ARHGAP39: variants seen among roughly 807,000 people sequenced by gnomAD.
ARHGAP39 encodes the protein rho GTPase-activating protein 39.
A neutral mutation model predicts 106.9 loss-of-function variants in ARHGAP39; 44 were observed. The ratio of observed to expected loss-of-function variants is 0.41; its 90% CI spans 0.32 to 0.53. The LOEUF (loss-of-function observed/expected upper bound fraction) is 0.53, where lower values mean the gene tolerates loss of function less well. Ranked by LOEUF, ARHGAP39 falls within the 20% of genes least tolerant of loss-of-function variation. The pLI is 0.21. For synonymous variants in ARHGAP39, 768 were observed against 693.2 expected (o/e 1.11, Z -1.69); for missense variants, 1,496 against 1,577.3 (o/e 0.95, Z 0.87).
rs753230337 is a variant in ARHGAP39 at position 144,533,307 on chromosome 8, C to T, written c.2707G>A (p.Val903Met). ...TTCTTGGCATGCCGGATCTCCTCCA[C>T]GTTGGGCTTCTTCAGCCCCTGTGAA... Reference protein sequence around the residue: ...GAKKGLKKPNVEEIRHAKNAV... With the variant: ...GAKKGLKKPNMEEIRHAKNAV... The change falls in exon 9 of 12, where the codon GTG (valine) becomes ATG (methionine). Residue 903 changes from valine (V) to methionine (M), a missense_variant. This residue lies in a region of ARHGAP39 where 470 missense variants were observed against 605.1 expected (regional missense o/e 0.78). Transcript: ENST00000377307. 30 of 1,612,874 alleles carry T rather than the reference C, an allele frequency of 1.9e-5. No individual in the cohort carries two copies. Among genetic ancestry groups the T allele is most frequent in the Middle Eastern group, 1.6e-4 (1 of 6,080 alleles).
rs531008520 is a variant in ARHGAP39, at chr8:144,529,693, T to G, written c.*729A>C. 6.6e-6 allele frequency: 1 copy of G among 152,316 alleles called. No individual in the cohort carries two copies. Among genetic ancestry groups the G allele is most frequent in the Non-Finnish European group, 1.5e-5 (1 of 68,024 alleles). 9.4% of individuals were successfully genotyped at this position (152,316 alleles called of 1,614,324 possible). A position where few individuals can be genotyped will look rare whatever the true frequency, so the allele number is the denominator to read the frequency against. The stretch of plus-strand genomic sequence containing the variant: ...AATTTAGTTCTTATATCTTTCCCTC[T>G]ATTTATATCTCTATACACGGTGGGC... On this transcript the variant is annotated 3_prime_UTR_variant, in exon 12 of 12. Coordinates refer to ENST00000377307, the MANE Select transcript of ARHGAP39 (RefSeq NM_025251.3).
At chr8:144,682,054 G>A (rs950186274) in intron 1 of ARHGAP39, among the ~76,000 whole-genome samples, 4 of 151,894 alleles carry the variant, frequency 2.6e-5, no homozygotes, top group African/African-American at 9.7e-5. Flanking sequence ...AGATCACGAG[G>A]TCAGGAGATC....
intron 5 of ARHGAP39, among the ~76,000 whole-genome samples, chr8:144,546,113 C>A (rs113400565): frequency 6.6e-6 from 1 of 152,162 alleles, no homozygotes; most frequent in African/African-American, 2.4e-5. Flanking sequence ...TCCGCTGGCA[C>A]CCCCAGGGGG....
At chr8:144,554,727 A>G (rs1039841183) in intron 4 of ARHGAP39, among the ~76,000 whole-genome samples, 5 of 152,142 alleles carry the variant, frequency 3.3e-5, no homozygotes, top group African/African-American at 1.2e-4. Flanking sequence ...AAGGCTATAA[A>G]ACCTGTCCTC....
intron 1 of ARHGAP39, among the ~76,000 whole-genome samples, chr8:144,669,680 A>G (rs759882465): frequency 6.6e-6 from 1 of 152,186 alleles, no homozygotes; most frequent in Non-Finnish European, 1.5e-5. Context: ...GTCATAAAGG[A>G]TAAGTAGCCC....
the ARHGAP39 span, among the ~76,000 whole-genome samples, chr8:144,692,173 TCTCTCTCTGTCTCTTTCCCCCTCC>T: frequency 1.3e-5 from 2 of 151,994 alleles, no homozygotes; most frequent in African/African-American, 4.8e-5. Context: ...CTTCCCTCTT[TCTCTCTCTGTCTCTTTCCCCCTCC>T]CTCTCTCTGT....
At position 144,541,116 on chromosome 8, in the gene ARHGAP39, G is replaced by A. The variant is rs1050680949; in HGVS notation, c.2522-3303C>T. Among the ~76,000 whole-genome samples the A allele has an allele frequency of 7.9e-5, 12 of 152,368 alleles. No homozygotes were observed. In the South Asian group the frequency reaches 2.5e-3, roughly 32 times the overall value. On this transcript the variant is annotated intron_variant, in intron 6 of 11. Coordinates refer to ENST00000377307, the MANE Select transcript of ARHGAP39 (RefSeq NM_025251.3). ...TCCACCGGCCTCCGCCTCCCAAAGT[G>A]CTGGGATGACAGGCGTGAGCCACCG...
the ARHGAP39 span, among the ~76,000 whole-genome samples, chr8:144,691,467 G>C: frequency 6.6e-6 from 1 of 152,194 alleles, no homozygotes; most frequent in Non-Finnish European, 1.5e-5. Flanking sequence ...AACAGCGAAA[G>C]TGAGACTTTT....
At chr8:144,539,654 C>T (rs1403394396) in intron 6 of ARHGAP39, among the ~76,000 whole-genome samples, 1 of 152,192 alleles carries the variant, frequency 6.6e-6, no homozygotes, top group Non-Finnish European at 1.5e-5. Context: ...CCAGCATCAT[C>T]GAAGGAAAAG....
In ARHGAP39 at chr8:144,580,923, G is replaced by A; in HGVS notation, c.435C>T (p.Asp145=). ...STSSSLEPEP[D]TEKAQELPAR... Reference sequence around the variant, plus strand: ...CTGGCAACTCCTGCGCTTTCTCAGTGTCGGGCTCGGGCTCCAGGGAGGAGC... The same window carrying A: ...CTGGCAACTCCTGCGCTTTCTCAGTATCGGGCTCGGGCTCCAGGGAGGAGC... Residue 145 remains aspartate (D), a synonymous_variant, in exon 3 of 12, where the codon GAC becomes GAT. Coordinates refer to ENST00000377307, the MANE Select transcript of ARHGAP39 (RefSeq NM_025251.3). The A allele has an allele frequency of 1.2e-6, 2 of 1,605,588 alleles. No individual in the cohort carries two copies. Among genetic ancestry groups the A allele is most frequent in the Non-Finnish European group, 1.7e-6 (2 of 1,178,432 alleles).
intron 2 of ARHGAP39, among the ~76,000 whole-genome samples, chr8:144,594,778 G>A (rs78225116): frequency 9.3e-4 from 141 of 152,104 alleles, no homozygotes; most frequent in African/African-American, 3.3e-3. Context: ...CCTGCTACTT[G>A]GGAGGCTGAG....
intron 1 of ARHGAP39, among the ~76,000 whole-genome samples, chr8:144,617,039 C>CTAG (rs1292178847): frequency 6.6e-6 from 1 of 151,990 alleles, no homozygotes; most frequent in African/African-American, 2.4e-5. Flanking sequence ...TTTTTAGTCT[C>CTAG]TACTAAAAAT....
Position 144,547,069 on chromosome 8 carries a change from C to T in ARHGAP39, c.1959+58G>A, listed in dbSNP as rs1817458147. 1 of 1,486,804 alleles carries T rather than the reference C, an allele frequency of 6.7e-7. No homozygotes were observed. Among genetic ancestry groups the T allele is most frequent in the South Asian group, 1.4e-5 (1 of 71,440 alleles). 92.1% of individuals were successfully genotyped at this position (1,486,804 alleles called of 1,614,324 possible). On this transcript the variant is annotated intron_variant, in intron 5 of 11. Transcript: ENST00000377307. The surrounding 1 kb of genome is among the most constrained non-coding windows in gnomAD (Gnocchi z 5.2). ...TCTCCTGTGCCTGGCCCACGGGGTC[C>T]ACTCTGACTGGGCTGGCCCCAGGCT...
chr8:144,537,346 G>T (rs1816998551), intron 7 of ARHGAP39, among the ~76,000 whole-genome samples: 1 of 151,888 alleles, frequency 6.6e-6, no homozygotes. Flanking sequence ...GGACTGAGGG[G>T]TGCTTGTCTG....
intron 1 of ARHGAP39, among the ~76,000 whole-genome samples, chr8:144,642,715 CT>C (rs1355154196): frequency 6.6e-6 from 1 of 152,108 alleles, no homozygotes; most frequent in Non-Finnish European, 1.5e-5. Flanking sequence ...GGCAGTTCCC[CT>C]GTACACACTC....
chr8:144,597,354 G>A (rs1819659922), intron 2 of ARHGAP39, among the ~76,000 whole-genome samples: 1 of 152,190 alleles, frequency 6.6e-6, no homozygotes, highest in Non-Finnish European at 1.5e-5. Flanking sequence ...TCTGGGTGGG[G>A]CCGACTGGTC....
chr8:144,532,443 G>A, intron 9 of ARHGAP39, 47 bp from the exon 10 acceptor site: 1 of 1,544,858 alleles, frequency 6.5e-7, no homozygotes, highest in Non-Finnish European at 8.9e-7. Context: ...CTGTGCTGCG[G>A]CTTCATGATT....
intron 6 of ARHGAP39, among the ~76,000 whole-genome samples, chr8:144,541,675 C>G (rs956536750): frequency 2.0e-5 from 3 of 152,180 alleles, no homozygotes; most frequent in Non-Finnish European, 4.4e-5. Flanking sequence ...TTCATCCATG[C>G]GCGTCTATCA....
At chr8:144,642,180 AAAAC>A (rs1455556255) in intron 1 of ARHGAP39, among the ~76,000 whole-genome samples, 2 of 152,190 alleles carry the variant, frequency 1.3e-5, no homozygotes, top group African/African-American at 2.4e-5. Context: ...ATTAAAAATC[AAAAC>A]AAACAAAGAT....
Sources: gnomAD v4.1 joint callset for allele counts (sites outside exome capture counted in the v4.1 genomes callset) on GRCh38, gnomAD v4.1.1 for gene constraint, gnomAD v4.1.1 regional missense constraint, Gnocchi (gnomAD v3.1) non-coding constraint, MANE v1.5 for transcripts, NCBI Gene and HGNC (gene_info 2026-07-23, HGNC 2026-07-21) for gene names.